CDH13: variants seen among roughly 807,000 people sequenced by gnomAD.
CDH13 encodes the protein cadherin-13.
CDH13 carries 24 observed loss-of-function variants against 63.8 expected under a neutral mutation model. That is an observed-to-expected ratio of 0.38 (90% CI 0.27 to 0.53). The LOEUF is 0.53. Among genes scored for constraint, CDH13 ranks in the 20% least tolerant of loss-of-function variants. The probability of loss-of-function intolerance (pLI) is 0.85; values close to 1 mark genes in which losing one functional copy is unlikely to be tolerated. For synonymous variants in CDH13, 503 were observed against 355.3 expected, an observed-to-expected ratio of 1.42 and a Z score of -4.67; for missense variants, 1,049 against 903.1, an observed-to-expected ratio of 1.16 and a Z score of -2.07.
At chr16:83,391,416 G>A (rs559161743) in intron 6 of CDH13, among the ~76,000 whole-genome samples, 9 of 152,122 alleles carry the variant, frequency 5.9e-5, no homozygotes, top group Non-Finnish European at 7.4e-5. Context: ...ATGTTGGCCC[G>A]GCTGGTCTCG....
intron 4 of CDH13, among the ~76,000 whole-genome samples, chr16:83,165,163 G>T (rs2037610752): frequency 6.6e-6 from 1 of 152,150 alleles, no homozygotes; most frequent in South Asian, 2.1e-4. Flanking sequence ...AGAACTAGAG[G>T]ATCAAGGGAA....
At chr16:83,373,689 G>A (rs11643197) in intron 6 of CDH13, among the ~76,000 whole-genome samples, 18,387 of 152,192 alleles carry the variant, frequency 0.12, 1,238 homozygotes, top group Non-Finnish European at 0.15. Flanking sequence ...GTTAAGAGAG[G>A]CAGCTTTGAA....
In CDH13 at chr16:82,998,518, A is replaced by G. The variant is rs149666499; in HGVS notation, c.158-33492A>G. 2.4e-3 allele frequency among the ~76,000 whole-genome samples: 363 copies of G among 152,232 alleles called. 3 individuals are homozygous for G. The highest frequency in any genetic ancestry group is 8.3e-3 in the African/African-American group (345 of 41,554). On this transcript the variant is annotated intron_variant, in intron 2 of 13. Coordinates refer to ENST00000567109, the MANE Select transcript of CDH13 (RefSeq NM_001257.5). ...ATAAAACAAATGAGATCTCACTACTAGACTTTTCTGTCCAGGAAATACTCT... is the reference window on the plus strand; with the variant it reads ...ATAAAACAAATGAGATCTCACTACTGGACTTTTCTGTCCAGGAAATACTCT...
intron 5 of CDH13, among the ~76,000 whole-genome samples, chr16:83,294,341 C>T (rs2089537658): frequency 6.6e-6 from 1 of 151,928 alleles, no homozygotes; most frequent in Non-Finnish European, 1.5e-5. Flanking sequence ...CTTATTTTTC[C>T]TATCCAATTG....
At chr16:83,316,320 A>C (rs539953221) in intron 5 of CDH13, among the ~76,000 whole-genome samples, 99 of 152,294 alleles carry the variant, frequency 6.5e-4, no homozygotes, top group African/African-American at 2.3e-3. Context: ...ACACATACTG[A>C]ATAATTGCTA....
chr16:83,112,107 T>C (rs1567840665), intron 3 of CDH13, among the ~76,000 whole-genome samples: 1 of 152,278 alleles, frequency 6.6e-6, no homozygotes, highest in Non-Finnish European at 1.5e-5. Flanking sequence ...TTTGCTTTAC[T>C]TATTCATTTT....
At chr16:83,119,049 C>G (rs1378483696) in intron 3 of CDH13, among the ~76,000 whole-genome samples, 2 of 152,298 alleles carry the variant, frequency 1.3e-5, no homozygotes, top group South Asian at 2.1e-4. Flanking sequence ...CTAGCACACA[C>G]CAAAAGCTGC....
At chr16:83,624,719 G>A (rs1201309751) in intron 8 of CDH13, among the ~76,000 whole-genome samples, 1 of 152,124 alleles carries the variant, frequency 6.6e-6, no homozygotes. Context: ...TAGATCACCT[G>A]CCCACCTCTG....
At chr16:83,729,759 T>A (rs1368018493) in intron 10 of CDH13, among the ~76,000 whole-genome samples, 1 of 152,248 alleles carries the variant, frequency 6.6e-6, no homozygotes, top group African/African-American at 2.4e-5. Flanking sequence ...ATATTATCTG[T>A]GACTCTATTA....
chr16:82,941,708 C>T (rs962144522), intron 2 of CDH13, among the ~76,000 whole-genome samples: 2 of 152,164 alleles, frequency 1.3e-5, no homozygotes, highest in African/African-American at 4.8e-5. Flanking sequence ...TCTCTAACCA[C>T]CTCCGAGTTT....
At chr16:83,309,008 C>A (rs1348200229) in intron 5 of CDH13, among the ~76,000 whole-genome samples, 1 of 152,170 alleles carries the variant, frequency 6.6e-6, no homozygotes, top group African/African-American at 2.4e-5. Context: ...CCCCTTGTGT[C>A]CTAAATCATT....
At chr16:82,846,089 C>A (rs961636825) in intron 1 of CDH13, among the ~76,000 whole-genome samples, 1 of 152,116 alleles carries the variant, frequency 6.6e-6, no homozygotes, top group Non-Finnish European at 1.5e-5. Flanking sequence ...GGAAAACAAC[C>A]CAGAGTTTAT....
At chr16:82,911,792 C>T (rs2041839557) in intron 2 of CDH13, among the ~76,000 whole-genome samples, 1 of 152,086 alleles carries the variant, frequency 6.6e-6, no homozygotes, top group South Asian at 2.1e-4. Context: ...CCCCAGGCTC[C>T]TGTCCTGGAA....
At chr16:83,330,255 C>T (rs567333720) in intron 5 of CDH13, among the ~76,000 whole-genome samples, 1 of 152,300 alleles carries the variant, frequency 6.6e-6, no homozygotes, top group Non-Finnish European at 1.5e-5. Flanking sequence ...CTAAGGAAAT[C>T]TGGATACCAG....
intron 7 of CDH13, among the ~76,000 whole-genome samples, chr16:83,594,028 T>TAA (rs1314269263): frequency 2.6e-5 from 4 of 152,190 alleles, no homozygotes; most frequent in Admixed American, 1.3e-4. Context: ...ACTCTGTGCT[T>TAA]AATGGGCACT....
chr16:82,705,334 G>A, intron 1 of CDH13: 1 of 356,610 alleles, frequency 2.8e-6, no homozygotes, highest in Non-Finnish European at 5.5e-6. Context: ...CTCCAGCAAG[G>A]GATGCCCAGA....
chr16:83,711,683 A>G (rs909268441), intron 10 of CDH13, among the ~76,000 whole-genome samples: 7 of 151,944 alleles, frequency 4.6e-5, no homozygotes, highest in African/African-American at 1.7e-4. Context: ...CACCTGGCTA[A>G]TTTTTGTATT....
At chr16:83,161,939 C>T (rs948603059) in intron 4 of CDH13, among the ~76,000 whole-genome samples, 8 of 152,202 alleles carry the variant, frequency 5.3e-5, no homozygotes, top group Admixed American at 2.6e-4. Flanking sequence ...TCATGTAACT[C>T]TCTTCTTTGC....
chr16:83,521,552 G>A (rs935386124), intron 7 of CDH13, among the ~76,000 whole-genome samples: 1 of 152,194 alleles, frequency 6.6e-6, no homozygotes, highest in Non-Finnish European at 1.5e-5. Flanking sequence ...AATTGGATGA[G>A]AATATTGTTA....
Sources: gnomAD v4.1 joint callset for allele counts (sites outside exome capture counted in the v4.1 genomes callset) on GRCh38, gnomAD v4.1.1 for gene constraint, MANE v1.5 for transcripts, NCBI Gene and HGNC (gene_info 2026-07-23, HGNC 2026-07-21) for gene names.